VWA8: variants seen among roughly 807,000 people sequenced by gnomAD.
The protein encoded by VWA8 is von Willebrand factor A domain-containing protein 8.
In VWA8, 221 loss-of-function variants were observed where a neutral mutation model predicts 241.5. The observed-to-expected ratio is 0.91, with a 90% CI of 0.82 to 1.02. The LOEUF (loss-of-function observed/expected upper bound fraction) is 1.02. Ranked by LOEUF, VWA8 falls within the 50% of genes least tolerant of loss-of-function variation. The pLI is 0.00. For missense variants in VWA8, 2,322 were observed against 2,328.7 expected (o/e 1.00, Z 0.06); for synonymous variants, 852 against 827.1 (o/e 1.03, Z -0.52).
intron 21 of VWA8, among the ~76,000 whole-genome samples, chr13:41,739,826 T>G (rs79107039): frequency 0.37 from 49,656 of 135,404 alleles, 9,159 homozygotes; most frequent in Admixed American, 0.38. Flanking sequence ...ATTGTTTTTT[T>G]GTTTTTTTTT....
At chr13:41,779,836 T>C (rs1868804100) in intron 19 of VWA8, among the ~76,000 whole-genome samples, 1 of 152,224 alleles carries the variant, frequency 6.6e-6, no homozygotes, top group Non-Finnish European at 1.5e-5. Flanking sequence ...TTTACAATTC[T>C]CATGTCCTTC....
chr13:41,831,000 G>A (rs547422440), intron 13 of VWA8, among the ~76,000 whole-genome samples: 30 of 152,082 alleles, frequency 2.0e-4, no homozygotes, highest in African/African-American at 5.8e-4. Flanking sequence ...TACTCTCTTC[G>A]GTCTAAAGTA....
At chr13:41,874,700 C>T (rs571658064) in intron 9 of VWA8, among the ~76,000 whole-genome samples, 11 of 152,172 alleles carry the variant, frequency 7.2e-5, no homozygotes, top group African/African-American at 2.2e-4. Context: ...CTTACAATTC[C>T]CAATCCTGTC....
intron 26 of VWA8, among the ~76,000 whole-genome samples, chr13:41,712,618 T>A (rs565409901): frequency 6.6e-6 from 1 of 152,366 alleles, no homozygotes; most frequent in East Asian, 1.9e-4. Context: ...AATGTTGTAT[T>A]GCATGGCTTT....
intron 37 of VWA8, among the ~76,000 whole-genome samples, chr13:41,641,906 G>T (rs568494150): frequency 6.6e-6 from 1 of 152,042 alleles, no homozygotes; most frequent in Non-Finnish European, 1.5e-5. Flanking sequence ...ACACCAGAGA[G>T]ATTCTACAAA....
chr13:41,841,377 G>A (rs1056027337), intron 12 of VWA8, among the ~76,000 whole-genome samples: 6 of 152,114 alleles, frequency 3.9e-5, no homozygotes, highest in African/African-American at 1.4e-4. Context: ...AGTCTTTATT[G>A]TTGTTTTAAA....
At chr13:41,825,919 A>G (rs879578484) in intron 14 of VWA8, among the ~76,000 whole-genome samples, 19 of 152,216 alleles carry the variant, frequency 1.2e-4, no homozygotes, top group Admixed American at 1.2e-3. Flanking sequence ...ACAACTCATG[A>G]AATAAAGTAA....
chr13:41,784,727 T>TATATATACAC (rs1555335045), intron 18 of VWA8, among the ~76,000 whole-genome samples: 1 of 69,034 alleles, frequency 1.4e-5, no homozygotes, highest in Non-Finnish European at 3.2e-5. Flanking sequence ...TATATATATA[T>TATATATACAC]ATACACACAC....
At chr13:41,868,592 A>C in intron 9 of VWA8, 115 bp from the exon 10 acceptor site, 1 of 1,295,590 alleles carries the variant, frequency 7.7e-7, no homozygotes. Context: ...ATTATATAAA[A>C]GTAGAGGTTA....
intron 37 of VWA8, among the ~76,000 whole-genome samples, chr13:41,636,620 T>C (rs1334457006): frequency 1.3e-5 from 2 of 151,808 alleles, no homozygotes; most frequent in Non-Finnish European, 2.9e-5. Context: ...CAAAAGAAAC[T>C]ACCTATAGGC....
At chr13:41,944,539 C>T (rs764140647) in intron 2 of VWA8, among the ~76,000 whole-genome samples, 1 of 152,156 alleles carries the variant, frequency 6.6e-6, no homozygotes, top group Non-Finnish European at 1.5e-5. Flanking sequence ...TCTCAAACTC[C>T]TGGCCTCAAG....
chr13:41,647,914 G>A (rs886246733), intron 37 of VWA8, among the ~76,000 whole-genome samples: 9 of 152,066 alleles, frequency 5.9e-5, no homozygotes, highest in East Asian at 3.8e-4. Context: ...GCCTAAACCC[G>A]GGAGGCAGAG....
At position 41,671,285 on chromosome 13, in the gene VWA8, T is replaced by C. The variant is rs1207262806; in HGVS notation, c.4410-138A>G. 4.3e-6 allele frequency: 4 copies of C among 933,764 alleles called. No homozygotes were observed. In the African/African-American group the frequency reaches 6.6e-5, roughly 15 times the overall value. The allele number at this position is 933,764 out of a possible 1,614,324, so 57.8% of individuals were successfully genotyped here. A position where few individuals can be genotyped will look rare whatever the true frequency, so the allele number is the denominator to read the frequency against. On this transcript the variant is annotated intron_variant, in intron 36 of 44. Coordinates refer to ENST00000379310, the MANE Select transcript of VWA8 (RefSeq NM_015058.2). ...TATTTTATACCTGCTCTTACCTCTG[T>C]CACCACATAGGCAGGTTATGAGGAT...
At chr13:41,650,047 A>G (rs928124436) in intron 37 of VWA8, among the ~76,000 whole-genome samples, 1 of 152,220 alleles carries the variant, frequency 6.6e-6, no homozygotes. Flanking sequence ...AGTTTTCTAA[A>G]TTTTAAAGTT....
chr13:41,721,694 C>T (rs2137849823), intron 24 of VWA8, 119 bp from the exon 25 acceptor site: 1 of 1,025,592 alleles, frequency 9.8e-7, no homozygotes, highest in East Asian at 2.5e-5. Flanking sequence ...GAAAGCCCAT[C>T]CAACAATAGG....
At chr13:41,677,887 G>A (rs889841471) in intron 35 of VWA8, among the ~76,000 whole-genome samples, 1 of 151,994 alleles carries the variant, frequency 6.6e-6, no homozygotes, top group Admixed American at 6.6e-5. Flanking sequence ...ATCAAATGTA[G>A]TTTACAAAAA....
At chr13:41,865,506 T>C (rs992298800) in intron 12 of VWA8, 3 of 433,990 alleles carry the variant, frequency 6.9e-6, no homozygotes, top group Admixed American at 7.9e-5. Flanking sequence ...AAAATAAATA[T>C]CTTTGAAAAA....
intron 26 of VWA8, 84 bp downstream of exon 26, chr13:41,719,507 A>G: frequency 6.3e-7 from 1 of 1,593,782 alleles, no homozygotes; most frequent in Non-Finnish European, 8.5e-7. Flanking sequence ...AGTAATTTCC[A>G]TAGCAACTCA....
chr13:41,745,345 C>A (rs967621875), intron 21 of VWA8, among the ~76,000 whole-genome samples: 3 of 151,902 alleles, frequency 2.0e-5, no homozygotes, highest in African/African-American at 4.8e-5. Flanking sequence ...TGTGTCCAAG[C>A]GTTTTCATTG....
Sources: allele counts gnomAD v4.1 joint callset (sites outside exome capture counted in the v4.1 genomes callset), GRCh38; gene constraint gnomAD v4.1.1; transcripts MANE v1.5; gene names NCBI Gene and HGNC (gene_info 2026-07-23, HGNC 2026-07-21).